Variants in FOXP2 observed in about 807,000 individuals in gnomAD.
The protein encoded by FOXP2 is forkhead box protein P2.
In FOXP2, 12 loss-of-function variants were observed where a neutral mutation model predicts 115.8. That is an observed-to-expected ratio of 0.10 (90% CI 0.07 to 0.17). The LOEUF (loss-of-function observed/expected upper bound fraction) is 0.17. Among genes scored for constraint, FOXP2 ranks in the 10% least tolerant of loss-of-function variants. The probability of loss-of-function intolerance (pLI) is 1.00; values close to 1 mark genes in which losing one functional copy is unlikely to be tolerated. For synonymous variants in FOXP2, 328 were observed against 297.7 expected, an observed-to-expected ratio of 1.10 and a Z score of -1.05; for missense variants, 629 against 843.5, an observed-to-expected ratio of 0.75 and a Z score of 3.15.
intron 1 of FOXP2, among the ~76,000 whole-genome samples, chr7:114,186,996 G>A (rs1279643821): frequency 6.6e-6 from 1 of 152,250 alleles, no homozygotes; most frequent in Admixed American, 6.5e-5. Flanking sequence ...CTTTTCTGCC[G>A]TCAAGCATGT....
At chr7:114,128,729 G>T (rs1791794362) in intron 1 of FOXP2, among the ~76,000 whole-genome samples, 1 of 151,910 alleles carries the variant, frequency 6.6e-6, no homozygotes, top group Non-Finnish European at 1.5e-5. Context: ...GGGACTCAAG[G>T]ACAACGACTA....
intron 1 of FOXP2, among the ~76,000 whole-genome samples, chr7:114,241,721 G>T (rs1255824488): frequency 7.0e-6 from 1 of 142,812 alleles, no homozygotes; most frequent in Non-Finnish European, 1.5e-5. Context: ...GAAATAAAAC[G>T]TAAAAAAAAG....
chr7:114,255,664 T>A (rs1465362138), intron 1 of FOXP2, among the ~76,000 whole-genome samples: 1 of 151,960 alleles, frequency 6.6e-6, no homozygotes, highest in African/African-American at 2.4e-5. Context: ...AAGGTGGGAG[T>A]GACCCAATTT....
intron 2 of FOXP2, among the ~76,000 whole-genome samples, chr7:114,494,195 T>C (rs1797204469): frequency 6.6e-6 from 1 of 152,184 alleles, no homozygotes; most frequent in Non-Finnish European, 1.5e-5. Context: ...AGTAGAACTT[T>C]ATAAAAACTT....
At chr7:114,675,151 C>G (rs561872374) in intron 16 of FOXP2, among the ~76,000 whole-genome samples, 1 of 151,978 alleles carries the variant, frequency 6.6e-6, no homozygotes, top group African/African-American at 2.4e-5. Context: ...CTAAACTTGT[C>G]GTTTTCATGA....
intron 3 of FOXP2, among the ~76,000 whole-genome samples, chr7:114,569,780 C>T (rs1408102716): frequency 6.6e-6 from 1 of 151,878 alleles, no homozygotes; most frequent in Non-Finnish European, 1.5e-5. Context: ...GGCATGTAGT[C>T]ATGTAAAGCA....
intron 2 of FOXP2, among the ~76,000 whole-genome samples, chr7:114,405,922 C>G (rs942787505): frequency 6.6e-6 from 1 of 151,682 alleles, no homozygotes; most frequent in African/African-American, 2.4e-5. Context: ...ATGTATGGCC[C>G]TTCTTTGATA....
upstream of FOXP2, among the ~76,000 whole-genome samples, chr7:114,160,016 C>T (rs777076462): frequency 6.6e-6 from 1 of 152,176 alleles, no homozygotes; most frequent in Admixed American, 6.6e-5. Flanking sequence ...TCTCCCTGGT[C>T]TCTGAGCATG....
chr7:114,534,514 A>G, intron 2 of FOXP2, 103 bp from the exon 3 acceptor site: 1 of 930,818 alleles, frequency 1.1e-6, no homozygotes, highest in Non-Finnish European at 1.8e-6. Flanking sequence ...AGAAAGGAAT[A>G]TGGGAGTTCT....
intron 1 of FOXP2, among the ~76,000 whole-genome samples, chr7:114,107,680 G>T (rs1791155122): frequency 6.6e-6 from 1 of 151,940 alleles, no homozygotes; most frequent in Non-Finnish European, 1.5e-5. Flanking sequence ...ATATGTTAGT[G>T]ATCCTATAAT....
chr7:114,225,074 CTAT>C (rs1423761693), intron 1 of FOXP2, among the ~76,000 whole-genome samples: 2 of 151,940 alleles, frequency 1.3e-5, no homozygotes, highest in East Asian at 3.9e-4. Context: ...AATATATAAT[CTAT>C]TATTTTTATA....
At chr7:114,299,000 T>C (rs1796815585) in intron 2 of FOXP2, among the ~76,000 whole-genome samples, 1 of 152,218 alleles carries the variant, frequency 6.6e-6, no homozygotes, top group African/African-American at 2.4e-5. Flanking sequence ...TTCAGTCAAC[T>C]GAAAGGGATT....
chr7:114,160,902 T>G (rs1792809548), upstream of FOXP2, among the ~76,000 whole-genome samples: 3 of 152,082 alleles, frequency 2.0e-5, no homozygotes, highest in Non-Finnish European at 2.9e-5. Context: ...AAGAAGAGTC[T>G]GGCATACTCC....
At chr7:114,311,081 T>C (rs1797137421) in intron 2 of FOXP2, among the ~76,000 whole-genome samples, 1 of 152,022 alleles carries the variant, frequency 6.6e-6, no homozygotes, top group Non-Finnish European at 1.5e-5. Context: ...GTTTCAGGTG[T>C]TTTCTATATA....
chr7:114,508,610 G>A (rs889395257), intron 2 of FOXP2, among the ~76,000 whole-genome samples: 1 of 151,856 alleles, frequency 6.6e-6, no homozygotes, highest in Admixed American at 6.6e-5. Flanking sequence ...GGAGCTTTAA[G>A]ACCCCATCCT....
At chr7:114,492,138 G>A (rs1248583007) in intron 2 of FOXP2, among the ~76,000 whole-genome samples, 1 of 152,084 alleles carries the variant, frequency 6.6e-6, no homozygotes. Flanking sequence ...GTTTAGTCTT[G>A]GGAGGGTGTA....
intron 8 of FOXP2, chr7:114,645,596 G>T (rs1371027569): frequency 6.6e-6 from 1 of 152,084 alleles, no homozygotes; most frequent in Admixed American, 6.6e-5. Context: ...AACTTCACAG[G>T]CTGAGACTCT....
intron 1 of FOXP2, among the ~76,000 whole-genome samples, chr7:114,122,967 T>G (rs1396814607): frequency 1.3e-5 from 2 of 152,094 alleles, no homozygotes; most frequent in Admixed American, 6.6e-5. Flanking sequence ...CTGCCTTGTT[T>G]TGCAGCTGAC....
chr7:114,318,395 TTTGG>T (rs1562868617), intron 2 of FOXP2, among the ~76,000 whole-genome samples: 3 of 142,920 alleles, frequency 2.1e-5, no homozygotes, highest in South Asian at 2.1e-4. Flanking sequence ...TTTTTTTTTT[TTTGG>T]AGAGTATGAT....
Sources: gnomAD v4.1 joint callset for allele counts (sites outside exome capture counted in the v4.1 genomes callset) on GRCh38, gnomAD v4.1.1 for gene constraint, MANE v1.5 for transcripts, NCBI Gene and HGNC (gene_info 2026-07-23, HGNC 2026-07-21) for gene names.